ANK2: variants seen among roughly 807,000 people sequenced by gnomAD.
The protein encoded by ANK2 is ankyrin 2, also known as ankyrin-2.
A neutral mutation model predicts 360.5 loss-of-function variants in ANK2; 83 were observed. That is an observed-to-expected ratio of 0.23 (90% CI 0.19 to 0.28). The LOEUF (loss-of-function observed/expected upper bound fraction) is 0.28, where lower values mean the gene tolerates loss of function less well. Ranked by LOEUF, ANK2 falls within the 10% of genes least tolerant of loss-of-function variation. The pLI, the probability that ANK2 is intolerant of heterozygous loss-of-function variation, is 1.00. For missense variants in ANK2, 4,201 were observed against 4,795.7 expected, an observed-to-expected ratio of 0.88 and a Z score of 3.66; for synonymous variants, 1,740 against 1,759.5, an observed-to-expected ratio of 0.99 and a Z score of 0.28.
chr4:113,258,502 C>A (rs558750706), intron 13 of ANK2, 91 bp downstream of exon 13: 3 of 1,278,988 alleles, frequency 2.3e-6, no homozygotes, highest in East Asian at 2.3e-5. Flanking sequence ...GCGTGTATGT[C>A]ATCGAAGTAA....
chr4:112,838,168 G>C (rs1265051198), intron 1 of ANK2, among the ~76,000 whole-genome samples: 4 of 152,146 alleles, frequency 2.6e-5, no homozygotes, highest in Non-Finnish European at 5.9e-5. Context: ...GAGTTCTCAT[G>C]AGAGCTGATG....
chr4:113,188,684 A>G (rs989597854), intron 2 of ANK2, among the ~76,000 whole-genome samples: 1 of 152,180 alleles, frequency 6.6e-6, no homozygotes, highest in East Asian at 1.9e-4. Flanking sequence ...AAACATGTAA[A>G]ATTTAAAAAT....
intron 10 of ANK2, among the ~76,000 whole-genome samples, chr4:113,255,177 G>T (rs2048619469): frequency 6.6e-6 from 1 of 152,128 alleles, no homozygotes; most frequent in African/African-American, 2.4e-5. Flanking sequence ...CACTCTTCTA[G>T]CCCTTACCTA....
chr4:112,773,586 T>TC, the ANK2 span, among the ~76,000 whole-genome samples: 16 of 152,134 alleles, frequency 1.1e-4, no homozygotes, highest in African/African-American at 3.6e-4. Flanking sequence ...GGGGAAAATC[T>TC]CCCCCATTAA....
At chr4:113,242,048 A>G (rs2040235184) in intron 8 of ANK2, 63 bp from the exon 9 acceptor site, 2 of 1,337,208 alleles carry the variant, frequency 1.5e-6, no homozygotes, top group Non-Finnish European at 2.2e-6. Context: ...CCTTTAACAC[A>G]AAGGCATCGC....
At chr4:112,735,336 T>TAAATAAAATA in the ANK2 span, among the ~76,000 whole-genome samples, 150 of 151,032 alleles carry the variant, frequency 9.9e-4, 3 homozygotes, top group East Asian at 0.025. Context: ...GTTTCAAAAA[T>TAAATAAAATA]AAATAAAATA....
At chr4:112,871,036 TA>T (rs1207550340) in intron 1 of ANK2, among the ~76,000 whole-genome samples, 1 of 152,082 alleles carries the variant, frequency 6.6e-6, no homozygotes, top group Non-Finnish European at 1.5e-5. Context: ...AATAATCAAA[TA>T]AAAATATTTG....
intron 1 of ANK2, among the ~76,000 whole-genome samples, chr4:112,895,422 G>A (rs1344738830): frequency 6.6e-6 from 1 of 152,080 alleles, no homozygotes; most frequent in Non-Finnish European, 1.5e-5. Flanking sequence ...TTTGCAAAAG[G>A]AATTTTCATT....
At chr4:112,754,119 A>AG in the ANK2 span, among the ~76,000 whole-genome samples, 139 of 26,784 alleles carry the variant, frequency 5.2e-3, 1 homozygote, top group African/African-American at 0.016. Context: ...AAGTATATAT[A>AG]TATATATATA....
the ANK2 span, among the ~76,000 whole-genome samples, chr4:112,780,956 G>A: frequency 6.6e-6 from 1 of 152,138 alleles, no homozygotes; most frequent in East Asian, 1.9e-4. Flanking sequence ...ATGACCATAA[G>A]TTGAACCCAT....
the ANK2 span, among the ~76,000 whole-genome samples, chr4:112,791,288 C>T: frequency 6.6e-6 from 1 of 152,054 alleles, no homozygotes; most frequent in African/African-American, 2.4e-5. Context: ...GAGAGGATTG[C>T]CCAGATGACC....
At chr4:113,293,375 C>A in intron 21 of ANK2, 65 bp from the exon 22 acceptor site, 1 of 1,391,530 alleles carries the variant, frequency 7.2e-7, no homozygotes, top group Non-Finnish European at 1.0e-6. Context: ...AGCGGGTGAG[C>A]TCATTGGCTC....
intron 1 of ANK2, among the ~76,000 whole-genome samples, chr4:112,889,886 C>T (rs2079471825): frequency 6.6e-6 from 1 of 152,186 alleles, no homozygotes; most frequent in South Asian, 2.1e-4. Context: ...TTCAAGGACT[C>T]AGGGTTGCAG....
intron 2 of ANK2, among the ~76,000 whole-genome samples, chr4:112,929,877 C>T (rs1561143672): frequency 6.6e-6 from 1 of 152,198 alleles, no homozygotes; most frequent in Non-Finnish European, 1.5e-5. Flanking sequence ...AAAGTAGTAG[C>T]CTATACAGAT....
intron 1 of ANK2, among the ~76,000 whole-genome samples, chr4:112,863,463 T>G (rs919545566): frequency 1.3e-5 from 2 of 151,786 alleles, no homozygotes; most frequent in African/African-American, 4.8e-5. Flanking sequence ...AAAATATTGG[T>G]TTTTGGAAAT....
At chr4:112,914,724 T>C (rs1360273786) in intron 2 of ANK2, among the ~76,000 whole-genome samples, 2 of 152,198 alleles carry the variant, frequency 1.3e-5, no homozygotes, top group Admixed American at 6.5e-5. Context: ...TGGCTTCATA[T>C]TGGGAAGAAG....
At chr4:113,330,776 C>T (rs941695418) in intron 27 of ANK2, among the ~76,000 whole-genome samples, 1 of 152,176 alleles carries the variant, frequency 6.6e-6, no homozygotes, top group African/African-American at 2.4e-5. Flanking sequence ...ATTATTTTCT[C>T]ATCTGAGAAT....
chr4:113,116,188 C>T (rs529165586), intron 1 of ANK2, among the ~76,000 whole-genome samples: 34 of 152,322 alleles, frequency 2.2e-4, no homozygotes, highest in African/African-American at 6.3e-4. Context: ...TGCTTTACTT[C>T]ATCACATTGC....
intron 10 of ANK2, among the ~76,000 whole-genome samples, chr4:113,252,139 A>G (rs1280356697): frequency 5.9e-5 from 9 of 152,200 alleles, no homozygotes; most frequent in Admixed American, 2.0e-4. Context: ...GGCACGTCTC[A>G]CATGGTGGCA....
Sources: gnomAD v4.1 joint callset for allele counts (sites outside exome capture counted in the v4.1 genomes callset) on GRCh38, gnomAD v4.1.1 for gene constraint, MANE v1.5 for transcripts, NCBI Gene and HGNC (gene_info 2026-07-23, HGNC 2026-07-21) for gene names.